The following NUCKS1 variants were observed in gnomAD, a reference collection of about 807,000 sequenced individuals.
The protein encoded by NUCKS1 is nuclear ubiquitous casein and cyclin-dependent kinase substrate 1.
NUCKS1 carries 2 observed loss-of-function variants against 33.0 expected under a neutral mutation model. The ratio of observed to expected loss-of-function variants is 0.06; its 90% CI spans 0.02 to 0.19. NUCKS1 has a LOEUF of 0.19. NUCKS1 is among the 10% of genes least tolerant of loss of function. The pLI is 1.00. For missense variants in NUCKS1, 201 were observed against 293.6 expected, an observed-to-expected ratio of 0.68 and a Z score of 2.31; for synonymous variants, 106 against 102.8, an observed-to-expected ratio of 1.03 and a Z score of -0.19.
chr1:205,741,854 T>C (rs1404836168), intron 1 of NUCKS1, among the ~76,000 whole-genome samples: 6 of 152,220 alleles, frequency 3.9e-5, no homozygotes, highest in Admixed American at 3.9e-4. Context: ...TCCAAAGCTC[T>C]GAAGTTGTAA....
rs1478408140 is a variant in NUCKS1, at chr1:205,714,233, G to A, written c.*4047C>T. 6.6e-6 allele frequency: 1 copy of A among 152,006 alleles called. No individual in the cohort carries two copies. Among genetic ancestry groups the A allele is most frequent in the African/African-American group, 2.4e-5 (1 of 41,366 alleles). 9.4% of individuals were successfully genotyped at this position (152,006 alleles called of 1,614,324 possible). A position where few individuals can be genotyped will look rare whatever the true frequency, so the allele number is the denominator to read the frequency against. Reference sequence around the variant, plus strand: ...TACATGTTATTTTAGGGCATAAGCTGAGTACTATACCCCCACACCCCATCA... The same window carrying A: ...TACATGTTATTTTAGGGCATAAGCTAAGTACTATACCCCCACACCCCATCA... On this transcript the variant is annotated 3_prime_UTR_variant, in exon 7 of 7. Transcript: ENST00000367142.
intron 1 of NUCKS1, among the ~76,000 whole-genome samples, chr1:205,748,170 T>TA (rs1654378377): frequency 1.3e-5 from 2 of 152,098 alleles, no homozygotes; most frequent in Non-Finnish European, 2.9e-5. Context: ...CATGGTAACA[T>TA]AAAAAATCCA....
intron 1 of NUCKS1, among the ~76,000 whole-genome samples, chr1:205,730,428 A>G (rs1035561109): frequency 6.6e-6 from 1 of 152,124 alleles, no homozygotes; most frequent in African/African-American, 2.4e-5. Flanking sequence ...AACCACAAGT[A>G]TGTCAAGCTA....
chr1:205,715,280 T>C lies in NUCKS1; in HGVS notation c.*3000A>G, dbSNP rs1201827577. 6.6e-6 allele frequency: 1 copy of C among 152,182 alleles called. No individual in the cohort carries two copies. The highest frequency in any genetic ancestry group is 2.4e-5 in the African/African-American group (1 of 41,460). The allele number at this position is 152,182 out of a possible 1,614,324, so 9.4% of individuals were successfully genotyped here. On this transcript the variant is annotated 3_prime_UTR_variant, in exon 7 of 7. Coordinates refer to ENST00000367142, the MANE Select transcript of NUCKS1 (RefSeq NM_022731.5). ...AACAGGTTATTGTGAAAACAGTCAA[T>C]ATGTAAGCTCCTTCAAGGGAAATCA...
rs571212490 is a variant in NUCKS1 at position 205,717,176 on chromosome 1, G to T, written c.*1104C>A. On this transcript the variant is annotated 3_prime_UTR_variant, in exon 7 of 7. Transcript: ENST00000367142. ...AAGATCGGGATATGAAAAAGAAAAT[G>T]TTCTATCCCCAAATAAAAGCAGAGC... 6.1e-6 allele frequency: 2 copies of T among 330,284 alleles called. No individual in the cohort carries two copies. The highest frequency in any genetic ancestry group is 2.2e-5 in the African/African-American group (1 of 44,666). 20.5% of individuals were successfully genotyped at this position (330,284 alleles called of 1,614,324 possible).
chr1:205,729,948 G>T (rs997216718), intron 1 of NUCKS1, among the ~76,000 whole-genome samples: 1 of 151,762 alleles, frequency 6.6e-6, no homozygotes, highest in Non-Finnish European at 1.5e-5. Context: ...TTGAACCCAG[G>T]GGTCAGAGGT....
At chr1:205,721,823 C>T (rs1010986597) in intron 4 of NUCKS1, among the ~76,000 whole-genome samples, 2 of 151,590 alleles carry the variant, frequency 1.3e-5, no homozygotes, top group East Asian at 2.0e-4. Context: ...TACAGGTGCG[C>T]ACCACCACTC....
intron 1 of NUCKS1, among the ~76,000 whole-genome samples, chr1:205,730,989 T>C (rs573019222): frequency 6.6e-6 from 1 of 152,226 alleles, no homozygotes; most frequent in Non-Finnish European, 1.5e-5. Context: ...ATTACTAAGC[T>C]TTTCAAGGCA....
chr1:205,717,334 T>C lies in NUCKS1; in HGVS notation c.*946A>G. The stretch of plus-strand genomic sequence containing the variant: ...CTTTATTTGCTTAAAACCTAAACAT[T>C]GTCAGTTTGAAAAGAAATCCACTGT... On this transcript the variant is annotated 3_prime_UTR_variant, in exon 7 of 7. Coordinates refer to ENST00000367142, the MANE Select transcript of NUCKS1 (RefSeq NM_022731.5). The C allele has an allele frequency of 1.0e-6, 1 of 987,350 alleles. No individual in the cohort carries two copies. Among genetic ancestry groups the C allele is most frequent in the African/African-American group, 1.7e-5 (1 of 57,404 alleles). 61.2% of individuals were successfully genotyped at this position (987,350 alleles called of 1,614,324 possible). A position where few individuals can be genotyped will look rare whatever the true frequency, so the allele number is the denominator to read the frequency against.
At chr1:205,720,216 T>C (rs1671896351) in intron 5 of NUCKS1, among the ~76,000 whole-genome samples, 1 of 152,216 alleles carries the variant, frequency 6.6e-6, no homozygotes, top group South Asian at 2.1e-4. Flanking sequence ...TCAATCACAA[T>C]GCCTAATGTG....
rs528753620 is a variant in NUCKS1, at chr1:205,722,784, T to G, written c.229+1142A>C. 2.0e-5 allele frequency among the ~76,000 whole-genome samples: 3 copies of G among 152,340 alleles called. No individual in the cohort carries two copies. The East Asian group carries it at 5.8e-4, about 29-fold the overall frequency. The stretch of plus-strand genomic sequence containing the variant: ...CCTACTGCCTCTAGACTAAACCATA[T>G]TTGCCTTAGTCTCTACCTACAGCCC... On this transcript the variant is annotated intron_variant, in intron 4 of 6. Transcript: ENST00000367142.
At chr1:205,740,789 G>C (rs1405939581) in intron 1 of NUCKS1, among the ~76,000 whole-genome samples, 1 of 149,568 alleles carries the variant, frequency 6.7e-6, no homozygotes, top group East Asian at 2.0e-4. Context: ...GACTGAGCCA[G>C]ACACATTTAC....
chr1:205,719,788 C>T, intron 5 of NUCKS1, 112 bp from the exon 6 acceptor site: 1 of 1,151,438 alleles, frequency 8.7e-7, no homozygotes, highest in Non-Finnish European at 1.2e-6. Context: ...GTCAAACACC[C>T]TTGGATTCTA....
chr1:205,749,769 G>A (rs973979047), intron 1 of NUCKS1, among the ~76,000 whole-genome samples, 188 bp downstream of exon 1: 11 of 151,416 alleles, frequency 7.3e-5, no homozygotes, highest in Non-Finnish European at 1.3e-4. Flanking sequence ...GCGCGCGCAC[G>A]GGCGCGCAGC....
intron 1 of NUCKS1, among the ~76,000 whole-genome samples, chr1:205,736,893 A>G (rs1654047761): frequency 1.3e-5 from 2 of 151,982 alleles, no homozygotes; most frequent in South Asian, 4.1e-4. Flanking sequence ...ATCTGCCTCT[A>G]GTGTCCACTC....
chr1:205,717,974 G>A lies in NUCKS1; in HGVS notation c.*306C>T. On this transcript the variant is annotated 3_prime_UTR_variant, in exon 7 of 7. Transcript: ENST00000367142. ...TCATTAAAAATAAAAAGATGAAGCA[G>A]TCAATCCAGTGATTAATTTGACATG... The A allele has an allele frequency of 2.9e-6, 3 of 1,040,678 alleles. No homozygotes were observed. Among genetic ancestry groups the A allele is most frequent in the Non-Finnish European group, 3.5e-6 (3 of 867,258 alleles). The allele number at this position is 1,040,678 out of a possible 1,614,324, so 64.5% of individuals were successfully genotyped here.
chr1:205,722,406 A>G (rs914503988), intron 4 of NUCKS1, among the ~76,000 whole-genome samples: 4 of 152,094 alleles, frequency 2.6e-5, no homozygotes, highest in African/African-American at 4.8e-5. Context: ...ACAGGCACCC[A>G]CCACCACACC....
In NUCKS1 at chr1:205,718,333, C is replaced by T. The variant is rs764048321; in HGVS notation, c.679G>A (p.Glu227Lys). ...TCAGACCCTTCATCCCCAGATTTCT[C>T]GGGTGGGGGGCTTGTAGATGTTTTC... ...EKKTSTSPPP[E>K]KSGDEGSEDE... The change falls in exon 7 of 7, where the codon GAG becomes AAG. Residue 227 changes from glutamate to lysine, a missense_variant. Transcript: ENST00000367142. 40 of 1,613,142 alleles carry T rather than the reference C, an allele frequency of 2.5e-5. No homozygotes were observed. Among genetic ancestry groups the T allele is most frequent in the Admixed American group, 1.7e-4 (10 of 59,898 alleles).
chr1:205,713,417 A>G lies in NUCKS1; in HGVS notation c.*4863T>C, dbSNP rs982735839. 6.6e-6 allele frequency: 1 copy of G among 152,184 alleles called. No homozygotes were observed. The highest frequency in any genetic ancestry group is 1.5e-5 in the Non-Finnish European group (1 of 68,052). 9.4% of individuals were successfully genotyped at this position (152,184 alleles called of 1,614,324 possible). ...ACACATACTTAAAACAGAGCTCAGG[A>G]GCAGACACGCAGTCCTGGAAACCCT... On this transcript the variant is annotated 3_prime_UTR_variant, in exon 7 of 7. Coordinates refer to ENST00000367142, the MANE Select transcript of NUCKS1 (RefSeq NM_022731.5).
Sources: gnomAD v4.1 joint callset for allele counts (sites outside exome capture counted in the v4.1 genomes callset) on GRCh38, gnomAD v4.1.1 for gene constraint, MANE v1.5 for transcripts, NCBI Gene and HGNC (gene_info 2026-07-23, HGNC 2026-07-21) for gene names.